Variants in UQCRB observed in about 807,000 individuals in gnomAD.
The protein encoded by UQCRB is cytochrome b-c1 complex subunit 7.
In UQCRB, 12 loss-of-function variants were observed where a neutral mutation model predicts 19.8. The observed-to-expected ratio is 0.61, with a 90% CI of 0.39 to 0.98. The LOEUF is 0.98. Ranked by LOEUF, UQCRB falls within the 50% of genes least tolerant of loss-of-function variation. The pLI, the probability that UQCRB is intolerant of heterozygous loss-of-function variation, is 0.00. For missense variants in UQCRB, 142 were observed against 131.8 expected, an observed-to-expected ratio of 1.08 and a Z score of -0.38; for synonymous variants, 39 against 42.9, an observed-to-expected ratio of 0.91 and a Z score of 0.35.
intron 1 of UQCRB, chr8:96,234,437 C>G (rs1809752099): frequency 8.2e-7 from 1 of 1,216,290 alleles, no homozygotes; most frequent in African/African-American, 1.6e-5. Context: ...GTGATCCCAC[C>G]CAAGGTCAGA....
intron 1 of UQCRB, chr8:96,234,734 TGCACTC>T: frequency 5.8e-6 from 2 of 343,316 alleles, no homozygotes; most frequent in Non-Finnish European, 1.1e-5. Flanking sequence ...ATTGTGCCAT[TGCACTC>T]CAGCCTGGGC....
At position 96,230,573 on chromosome 8, in the gene UQCRB, G is replaced by A. The variant is rs566231070; in HGVS notation, c.*482C>T. ...TTCTAGTATACATGTTAGCACAGGA[G>A]TATGTATATTACTTAAGTATGCCTA... On this transcript the variant is annotated 3_prime_UTR_variant, in exon 4 of 4. Transcript: ENST00000287022. 21 of 454,378 alleles carry A rather than the reference G, an allele frequency of 4.6e-5. No individual in the cohort carries two copies. In the East Asian group the frequency reaches 1.3e-3, roughly 27 times the overall value. 28.1% of individuals were successfully genotyped at this position (454,378 alleles called of 1,614,324 possible).
intron 2 of UQCRB, 53 bp downstream of exon 2, chr8:96,233,103 A>G (rs1809713409): frequency 6.4e-7 from 1 of 1,574,140 alleles, no homozygotes; most frequent in Admixed American, 1.7e-5. Flanking sequence ...ACAAAAAAAA[A>G]AACAAAGAAA....
rs1021564364 is a variant in UQCRB at position 96,225,229 on chromosome 8, T to C, written c.*5826A>G. ...CTTGATAATAGCATATGGAAAAACG[T>C]CTAGCTACTCAATCCAAGAAATGCA... On this transcript the variant is annotated 3_prime_UTR_variant, in exon 4 of 4. Coordinates refer to ENST00000287022, the MANE Select transcript of UQCRB (RefSeq NM_006294.5). Among the ~76,000 whole-genome samples, 2 of 152,138 alleles carry C rather than the reference T, an allele frequency of 1.3e-5. No homozygotes were observed. Among genetic ancestry groups the C allele is most frequent in the Admixed American group, 1.3e-4 (2 of 15,262 alleles).
Position 96,230,708 on chromosome 8 carries a change from A to AC in UQCRB, c.*346dup. ...AATCTTGGCAAACTAGGGGGTGCAT[A>AC]CCCCCTTCTTTTATTCAGTAGCTTC... On this transcript the variant is annotated 3_prime_UTR_variant, in exon 4 of 4. Transcript: ENST00000287022. 2 of 480,476 alleles carry AC rather than the reference A, an allele frequency of 4.2e-6. No individual in the cohort carries two copies. The highest frequency in any genetic ancestry group is 8.1e-6 in the Non-Finnish European group (2 of 246,174). The allele number at this position is 480,476 out of a possible 1,614,324, so 29.8% of individuals were successfully genotyped here. A position where few individuals can be genotyped will look rare whatever the true frequency, so the allele number is the denominator to read the frequency against.
rs1484813846 is a variant in UQCRB, at chr8:96,231,882, T to C, written c.150A>G (p.Arg50=). The C allele has an allele frequency of 6.2e-7, 1 of 1,614,058 alleles. No homozygotes were observed. The highest frequency in any genetic ancestry group is 1.7e-5 in the Admixed American group (1 of 60,028). Residue 50 remains arginine, a synonymous_variant, in exon 3 of 4, where the codon AGA becomes AGG. Transcript: ENST00000287022. Reference sequence around the variant, plus strand: ...TGTCATTATAAAGGTTCTCAGGAAGTCTTCTTATGGCTTCTTTTACATCTT... The same window carrying C: ...TGTCATTATAAAGGTTCTCAGGAAGCCTTCTTATGGCTTCTTTTACATCTT... ...EDEDVKEAIR[R]LPENLYNDRM...
At chr8:96,234,853 A>C (rs1809767923) in intron 1 of UQCRB, 1 of 189,796 alleles carries the variant, frequency 5.3e-6, no homozygotes, top group Admixed American at 5.7e-5. Context: ...AAAAAAAAAA[A>C]GAAAGAAAAA....
chr8:96,232,932 G>A lies in UQCRB; in HGVS notation c.91+224C>T, dbSNP rs561556637. On this transcript the variant is annotated intron_variant, in intron 2 of 3. Coordinates refer to ENST00000287022, the MANE Select transcript of UQCRB (RefSeq NM_006294.5). The stretch of plus-strand genomic sequence containing the variant: ...TTACTACTTAAATCATTACCAAGTC[G>A]AACATTTTAGAGGCTTTCATCCCTC... 1,396 of 519,726 alleles carry A rather than the reference G, an allele frequency of 2.7e-3. 8 individuals are homozygous for A. The highest frequency in any genetic ancestry group is 3.2e-3 in the Non-Finnish European group (934 of 295,808). 32.2% of individuals were successfully genotyped at this position (519,726 alleles called of 1,614,324 possible).
In UQCRB at chr8:96,228,874, T is replaced by A. The variant is rs781670822; in HGVS notation, c.*2181A>T. On this transcript the variant is annotated 3_prime_UTR_variant, in exon 4 of 4. Transcript: ENST00000287022. Reference sequence around the variant, plus strand: ...ACTACAGGACAATGTAGATTTGGTCTACAGGACAATGCAGAGTGCCTGTGT... The same window carrying A: ...ACTACAGGACAATGTAGATTTGGTCAACAGGACAATGCAGAGTGCCTGTGT... 2 of 453,976 alleles carry A rather than the reference T, an allele frequency of 4.4e-6. No homozygotes were observed. The highest frequency in any genetic ancestry group is 4.7e-5 in the Admixed American group (2 of 42,560). 28.1% of individuals were successfully genotyped at this position (453,976 alleles called of 1,614,324 possible).
rs1809509559 is a variant in UQCRB at position 96,225,374 on chromosome 8, A to G, written c.*5681T>C. ...ATTGCTTAGATGAATATAAATTATT[A>G]TAAACTTTTGAAAAGCAAATTGGAA... On this transcript the variant is annotated 3_prime_UTR_variant, in exon 4 of 4. Transcript: ENST00000287022. Among the ~76,000 whole-genome samples, 1 of 152,232 alleles carries G rather than the reference A, an allele frequency of 6.6e-6. No individual in the cohort carries two copies. The highest frequency in any genetic ancestry group is 2.4e-5 in the African/African-American group (1 of 41,456).
Position 96,231,478 on chromosome 8 carries a change from A to T in UQCRB, c.258+296T>A, listed in dbSNP as rs577916057. ...ACTCAATGGGCTGATCTTTTCATCT[A>T]AGTAGGAAGCAGAGTGCAGAGCTGG... On this transcript the variant is annotated intron_variant, in intron 3 of 3. Transcript: ENST00000287022. 1.7e-4 allele frequency: 267 copies of T among 1,534,732 alleles called. 6 individuals are homozygous for T. In the South Asian group the frequency reaches 3.1e-3, roughly 18 times the overall value.
Position 96,232,925 on chromosome 8 carries a change from C to T in UQCRB, c.91+231G>A, listed in dbSNP as rs541035195. 4.1e-4 allele frequency: 208 copies of T among 503,870 alleles called. 2 individuals carry two copies. The South Asian group carries it at 5.2e-3, about 13-fold the overall frequency. The allele number at this position is 503,870 out of a possible 1,614,324, so 31.2% of individuals were successfully genotyped here. On this transcript the variant is annotated intron_variant, in intron 2 of 3. Coordinates refer to ENST00000287022, the MANE Select transcript of UQCRB (RefSeq NM_006294.5). ...AAATGTCTTACTACTTAAATCATTA[C>T]CAAGTCGAACATTTTAGAGGCTTTC...
At position 96,223,919 on chromosome 8, in the gene UQCRB, G is replaced by A. The variant is rs934786022; in HGVS notation, c.*7136C>T. 4.6e-5 allele frequency among the ~76,000 whole-genome samples: 7 copies of A among 152,158 alleles called. No homozygotes were observed. The highest frequency in any genetic ancestry group is 9.7e-5 in the African/African-American group (4 of 41,436). ...TGGGTAGAGGCAGACAGGTGGGGGT[G>A]GTAGAAGCCAGGCTTTGGAAGGCCA... is the stretch of plus-strand genomic sequence containing the variant. On this transcript the variant is annotated 3_prime_UTR_variant, in exon 4 of 4. Coordinates refer to ENST00000287022, the MANE Select transcript of UQCRB (RefSeq NM_006294.5).
Position 96,224,709 on chromosome 8 carries a change from C to CA in UQCRB, c.*6345dup, listed in dbSNP as rs1809498765. Reference sequence around the variant, plus strand: ...GCCAACTGGACTTCTTAGTATCTCTCAAAAATATACTCTGCTCACACCATA... The same window carrying CA: ...GCCAACTGGACTTCTTAGTATCTCTCAAAAAATATACTCTGCTCACACCATA... On this transcript the variant is annotated 3_prime_UTR_variant, in exon 4 of 4. Transcript: ENST00000287022. Among the ~76,000 whole-genome samples, 1 of 152,160 alleles carries CA rather than the reference C, an allele frequency of 6.6e-6. No homozygotes were observed. Among genetic ancestry groups the CA allele is most frequent in the South Asian group, 2.1e-4 (1 of 4,832 alleles).
Position 96,227,796 on chromosome 8 carries a change from G to A in UQCRB, c.*3259C>T. The stretch of plus-strand genomic sequence containing the variant: ...AGTGCAGAGTTAATGCTTGAAAAGG[G>A]AGTCCTTAAAGTAAATAACTAAATG... On this transcript the variant is annotated 3_prime_UTR_variant, in exon 4 of 4. Coordinates refer to ENST00000287022, the MANE Select transcript of UQCRB (RefSeq NM_006294.5). The A allele has an allele frequency of 2.2e-6, 1 of 453,614 alleles. No individual in the cohort carries two copies. Among genetic ancestry groups the A allele is most frequent in the South Asian group, 1.6e-5 (1 of 64,346 alleles). 28.1% of individuals were successfully genotyped at this position (453,614 alleles called of 1,614,324 possible).
rs1259052571 is a variant in UQCRB, at chr8:96,231,877, G to T, written c.155C>A (p.Pro52His). 1 of 1,614,018 alleles carries T rather than the reference G, an allele frequency of 6.2e-7. No individual in the cohort carries two copies. The highest frequency in any genetic ancestry group is 1.3e-5 in the African/African-American group (1 of 75,018). Residue 52 changes from proline (P) to histidine (H), a missense_variant, in exon 3 of 4, where the codon CCT (proline) becomes CAT (histidine). By Grantham distance (77) the Pro-to-His change is moderately conservative. This residue lies in a region of UQCRB where 132 missense variants were observed against 107.5 expected (regional missense o/e 1.23). Coordinates refer to ENST00000287022, the MANE Select transcript of UQCRB (RefSeq NM_006294.5). ...CATCCTGTCATTATAAAGGTTCTCA[G>T]GAAGTCTTCTTATGGCTTCTTTTAC... ...EDVKEAIRRL[P>H]ENLYNDRMFR...
intron 3 of UQCRB, 108 bp from the exon 4 acceptor site, chr8:96,231,240 T>C (rs747517195): frequency 6.2e-7 from 1 of 1,605,978 alleles, no homozygotes. Flanking sequence ...GAATTTCCAA[T>C]TTTAGAAAAC....
In UQCRB at chr8:96,230,613, C is replaced by T. The variant is rs1563536879; in HGVS notation, c.*442G>A. The stretch of plus-strand genomic sequence containing the variant: ...AAGTATGCCTATGTTGGGGTGCAGA[C>T]ATAATTTCTTTTTAAATGATAGGAT... On this transcript the variant is annotated 3_prime_UTR_variant, in exon 4 of 4. Transcript: ENST00000287022. 1 of 455,546 alleles carries T rather than the reference C, an allele frequency of 2.2e-6. No individual in the cohort carries two copies. The highest frequency in any genetic ancestry group is 2.3e-5 in the Admixed American group (1 of 42,600). 28.2% of individuals were successfully genotyped at this position (455,546 alleles called of 1,614,324 possible).
Position 96,224,284 on chromosome 8 carries a change from TGA to T in UQCRB, c.*6769_*6770del, listed in dbSNP as rs1809492161. Reference sequence around the variant, plus strand: ...ATGGAAGGGAGAGCTGTAGGAATCTTGAGAGGGGCTGCCTGACAGGAGCTGTA... The same window carrying T: ...ATGGAAGGGAGAGCTGTAGGAATCTTGAGGGGCTGCCTGACAGGAGCTGTA... On this transcript the variant is annotated 3_prime_UTR_variant, in exon 4 of 4. Transcript: ENST00000287022. 6.6e-6 allele frequency among the ~76,000 whole-genome samples: 1 copy of T among 152,146 alleles called. No individual in the cohort carries two copies.
Sources: allele counts gnomAD v4.1 joint callset (sites outside exome capture counted in the v4.1 genomes callset), GRCh38; gene constraint gnomAD v4.1.1; regional missense constraint gnomAD v4.1.1; transcripts MANE v1.5; gene names NCBI Gene and HGNC (gene_info 2026-07-23, HGNC 2026-07-21).